PRKN: variants seen among roughly 807,000 people sequenced by gnomAD.
The protein encoded by PRKN is parkin RBR E3 ubiquitin protein ligase.
In PRKN, 56 loss-of-function variants were observed where a neutral mutation model predicts 59.5. The ratio of observed to expected loss-of-function variants is 0.94; its 90% CI spans 0.76 to 1.18. The LOEUF (loss-of-function observed/expected upper bound fraction) is 1.18. Among genes scored for constraint, PRKN ranks in the 50% most tolerant of loss-of-function variants. PRKN has a pLI of 0.00. For missense variants in PRKN, 657 were observed against 596.4 expected (o/e 1.10, Z -1.06); for synonymous variants, 250 against 222.1 (o/e 1.13, Z -1.12).
In PRKN at chr6:161,417,306, C is replaced by T. The variant is rs1321216869; in HGVS notation, c.1084-30429G>A. ...CTCTACTAAAAATACAAAAATTAGC[C>T]GGGTGTGGTGGCGCCTGCCTGTAGT... On this transcript the variant is annotated intron_variant, in intron 9 of 11. Coordinates refer to ENST00000366898, the MANE Select transcript of PRKN (RefSeq NM_004562.3). The surrounding 1 kb of genome is among the most constrained non-coding windows in gnomAD (Gnocchi z 5.4). Among the ~76,000 whole-genome samples, 5 of 151,960 alleles carry T rather than the reference C, an allele frequency of 3.3e-5. No individual in the cohort carries two copies. Among genetic ancestry groups the T allele is most frequent in the Admixed American group, 6.5e-5 (1 of 15,270 alleles).
chr6:161,648,223 T>A (rs775770528), intron 7 of PRKN, among the ~76,000 whole-genome samples: 2 of 152,156 alleles, frequency 1.3e-5, no homozygotes, highest in Non-Finnish European at 2.9e-5. Flanking sequence ...CACACAGATA[T>A]GGATTGTACA....
At chr6:162,385,757 A>G (rs1227120805) in intron 2 of PRKN, among the ~76,000 whole-genome samples, 1 of 151,932 alleles carries the variant, frequency 6.6e-6, no homozygotes, top group Non-Finnish European at 1.5e-5. Flanking sequence ...TTGGTCCTTC[A>G]CAGATTTCTT....
chr6:162,213,244 T>A (rs1777473910), intron 3 of PRKN, among the ~76,000 whole-genome samples: 1 of 152,128 alleles, frequency 6.6e-6, no homozygotes, highest in African/African-American at 2.4e-5. Context: ...TCAATAATGT[T>A]AACAATAAAT....
At chr6:162,618,068 A>G (rs1042713256) in intron 1 of PRKN, among the ~76,000 whole-genome samples, 11 of 152,216 alleles carry the variant, frequency 7.2e-5, no homozygotes, top group Non-Finnish European at 1.6e-4. Context: ...AGTGTTAAAC[A>G]TTATTCTTTC....
intron 2 of PRKN, among the ~76,000 whole-genome samples, chr6:162,387,551 CACACAG>C (rs1401555021): frequency 7.3e-4 from 56 of 76,672 alleles, no homozygotes; most frequent in African/African-American, 3.0e-3. Context: ...CACACACACA[CACACAG>C]AGAGAGAGAG....
intron 2 of PRKN, among the ~76,000 whole-genome samples, chr6:162,298,905 C>G (rs1458733746): frequency 1.3e-5 from 2 of 152,094 alleles, no homozygotes; most frequent in African/African-American, 4.8e-5. Flanking sequence ...GCCCTGAGGG[C>G]CTTGATGTGG....
chr6:162,594,203 C>T (rs1053382021), intron 1 of PRKN, among the ~76,000 whole-genome samples: 4 of 151,930 alleles, frequency 2.6e-5, no homozygotes, highest in Non-Finnish European at 4.4e-5. Context: ...AACCTTTTTG[C>T]TCAAATTCTT....
At chr6:162,235,955 AAGG>A in intron 3 of PRKN, among the ~76,000 whole-genome samples, 1 of 92,778 alleles carries the variant, frequency 1.1e-5, no homozygotes, top group Non-Finnish European at 2.0e-5. Context: ...GGAAGGAAGA[AAGG>A]AAGAAAGAAA....
chr6:162,187,157 G>A (rs1784067068), intron 4 of PRKN, among the ~76,000 whole-genome samples: 2 of 152,134 alleles, frequency 1.3e-5, no homozygotes, highest in Admixed American at 1.3e-4. Context: ...AAGATGTCCT[G>A]GAAGACCAAG....
intron 3 of PRKN, among the ~76,000 whole-genome samples, chr6:162,207,443 C>A (rs1466894965): frequency 1.3e-5 from 2 of 152,136 alleles, no homozygotes; most frequent in East Asian, 3.9e-4. Context: ...GGAAAAGTTG[C>A]TAAACTGGGC....
intron 7 of PRKN, among the ~76,000 whole-genome samples, chr6:161,625,642 G>A (rs35477712): frequency 0.23 from 35,434 of 152,076 alleles, 4,518 homozygotes; most frequent in Middle Eastern, 0.36. Flanking sequence ...AGGGGTAAGC[G>A]CAGAGGAGCA....
intron 7 of PRKN, among the ~76,000 whole-genome samples, chr6:161,774,390 A>G (rs1201883485): frequency 0.011 from 441 of 41,634 alleles, 2 homozygotes; most frequent in Middle Eastern, 0.043. Context: ...GAGCACACAC[A>G]CACACACACA....
intron 7 of PRKN, among the ~76,000 whole-genome samples, chr6:161,749,834 C>T (rs1157487235): frequency 4.6e-5 from 7 of 152,074 alleles, no homozygotes; most frequent in Admixed American, 4.6e-4. Flanking sequence ...TTGCTCCCCA[C>T]CCACATTCAC....
intron 1 of PRKN, among the ~76,000 whole-genome samples, chr6:162,501,300 C>G (rs1271641078): frequency 6.6e-6 from 1 of 151,750 alleles, no homozygotes; most frequent in Non-Finnish European, 1.5e-5. Flanking sequence ...CAGGCCAGGC[C>G]TCGTGAAATC....
intron 4 of PRKN, among the ~76,000 whole-genome samples, chr6:162,162,514 T>C (rs1014109303): frequency 1.3e-5 from 2 of 152,010 alleles, no homozygotes; most frequent in African/African-American, 2.4e-5. Flanking sequence ...CTATCTCCCA[T>C]TGACAAGAGG....
At chr6:162,171,752 A>G (rs1266542713) in intron 4 of PRKN, among the ~76,000 whole-genome samples, 1 of 152,098 alleles carries the variant, frequency 6.6e-6, no homozygotes, top group Non-Finnish European at 1.5e-5. Flanking sequence ...CATAATCACA[A>G]TTTATAACTT....
intron 9 of PRKN, among the ~76,000 whole-genome samples, chr6:161,426,638 C>T (rs1358953825): frequency 8.0e-6 from 1 of 124,264 alleles, no homozygotes; most frequent in Non-Finnish European, 1.6e-5. Context: ...TTAATAAACT[C>T]CCCTTTACAC....
In PRKN at chr6:161,360,980, G is replaced by T. The variant is rs1453353372; in HGVS notation, c.1168-775C>A. Among the ~76,000 whole-genome samples the T allele has an allele frequency of 2.0e-5, 3 of 152,156 alleles. No individual in the cohort carries two copies. The highest frequency in any genetic ancestry group is 4.4e-5 in the Non-Finnish European group (3 of 68,038). On this transcript the variant is annotated intron_variant, in intron 10 of 11. Coordinates refer to ENST00000366898, the MANE Select transcript of PRKN (RefSeq NM_004562.3). The surrounding 1 kb of genome is among the most constrained non-coding windows in gnomAD (Gnocchi z 5.1). ...TCTTCAAAGACTCAGAATGACTCCA[G>T]TGTGGCAAGCTTTTAATACATTTGC...
chr6:162,166,315 A>G (rs578228587), intron 4 of PRKN, among the ~76,000 whole-genome samples: 1 of 152,258 alleles, frequency 6.6e-6, no homozygotes, highest in South Asian at 2.1e-4. Context: ...ATGACTCTTT[A>G]TATGACCCTT....
Sources: allele counts gnomAD v4.1 joint callset (sites outside exome capture counted in the v4.1 genomes callset), GRCh38; gene constraint gnomAD v4.1.1; non-coding constraint Gnocchi (gnomAD v3.1); transcripts MANE v1.5; gene names NCBI Gene and HGNC (gene_info 2026-07-23, HGNC 2026-07-21).